Variants in PSD3 observed in about 807,000 individuals in gnomAD.
The protein encoded by PSD3 is pleckstrin and Sec7 domain containing 3, also known as PH and SEC7 domain-containing protein 3.
Under a neutral mutation model 105.5 loss-of-function variants are expected in PSD3, and 49 were observed. That is an observed-to-expected ratio of 0.46 (90% CI 0.37 to 0.59). The LOEUF is 0.59. Ranked by LOEUF, PSD3 falls within the 20% of genes least tolerant of loss-of-function variation. The probability of loss-of-function intolerance (pLI) is 0.00; values close to 1 mark genes in which losing one functional copy is unlikely to be tolerated. For missense variants in PSD3, 1,561 were observed against 1,263.8 expected, an observed-to-expected ratio of 1.24 and a Z score of -3.57; for synonymous variants, 557 against 457.8, an observed-to-expected ratio of 1.22 and a Z score of -2.77.
rs115391818 is a variant in PSD3, at chr8:18,599,528, G to A, written c.2481+836C>T. 4.4e-3 allele frequency among the ~76,000 whole-genome samples: 674 copies of A among 152,242 alleles called. 4 individuals are homozygous for A. Among genetic ancestry groups the A allele is most frequent in the African/African-American group, 0.016 (645 of 41,532 alleles). On this transcript the variant is annotated intron_variant, in intron 12 of 15. Transcript: ENST00000327040. ...TGAATAAAGAATATGTGCTACAGTA[G>A]GCTCCCCTTATCTATCCATGTGGGA...
At chr8:18,890,379 A>G (rs1818711142) in intron 2 of PSD3, among the ~76,000 whole-genome samples, 1 of 152,166 alleles carries the variant, frequency 6.6e-6, no homozygotes. Flanking sequence ...GGTACATCTA[A>G]ATGTTCAAGC....
intron 15 of PSD3, among the ~76,000 whole-genome samples, chr8:18,550,089 T>C (rs1800672951): frequency 6.6e-6 from 1 of 152,242 alleles, no homozygotes; most frequent in South Asian, 2.1e-4. Flanking sequence ...ATAATACCTT[T>C]ACCCAATAGA....
At chr8:18,850,597 C>G (rs1048843451) in intron 4 of PSD3, among the ~76,000 whole-genome samples, 2 of 152,096 alleles carry the variant, frequency 1.3e-5, no homozygotes, top group African/African-American at 4.8e-5. Flanking sequence ...AGACAATTGT[C>G]GTAAGTTATT....
At chr8:18,628,775 C>T (rs1355269329) in intron 11 of PSD3, among the ~76,000 whole-genome samples, 2 of 151,770 alleles carry the variant, frequency 1.3e-5, no homozygotes, top group Non-Finnish European at 2.9e-5. Context: ...TAAAGATGTA[C>T]ACTGTAAACC....
intron 8 of PSD3, among the ~76,000 whole-genome samples, chr8:18,770,108 G>A (rs1224728724): frequency 2.0e-5 from 3 of 152,154 alleles, no homozygotes; most frequent in African/African-American, 4.8e-5. Context: ...GCGAATGAGG[G>A]TTCCAGTTTC....
In PSD3 at chr8:18,814,464, A is replaced by G. The variant is rs887391891; in HGVS notation, c.1635-9566T>C. Among the ~76,000 whole-genome samples the G allele has an allele frequency of 2.6e-5, 4 of 152,208 alleles. No homozygotes were observed. The East Asian group carries it at 5.8e-4, about 22-fold the overall frequency. ...TAGGGGTTCAAACGTTTCTAGGGGC[A>G]TGATGCAGGTTTTCACTTTTTGTTT... is the stretch of plus-strand genomic sequence containing the variant. On this transcript the variant is annotated intron_variant, in intron 4 of 15. Coordinates refer to ENST00000327040, the MANE Select transcript of PSD3 (RefSeq NM_015310.4).
chr8:18,889,241 A>G (rs756883394), intron 2 of PSD3, among the ~76,000 whole-genome samples: 3 of 151,452 alleles, frequency 2.0e-5, no homozygotes, highest in African/African-American at 4.9e-5. Context: ...GCCATCTTCA[A>G]CTCCTCAATT....
At position 18,534,920 on chromosome 8, in the gene PSD3, G is replaced by T. The variant is rs954963460; in HGVS notation, c.*823C>A. On this transcript the variant is annotated 3_prime_UTR_variant, in exon 16 of 16. Coordinates refer to ENST00000327040, the MANE Select transcript of PSD3 (RefSeq NM_015310.4). Reference sequence around the variant, plus strand: ...CTAGTCTAGACCCTGTGGGAGTGAGGTAACAATTCCTGCAGACTGAGCACA... The same window carrying T: ...CTAGTCTAGACCCTGTGGGAGTGAGTTAACAATTCCTGCAGACTGAGCACA... 1 of 152,588 alleles carries T rather than the reference G, an allele frequency of 6.6e-6. No individual in the cohort carries two copies. The highest frequency in any genetic ancestry group is 1.9e-4 in the East Asian group (1 of 5,196). 9.5% of individuals were successfully genotyped at this position (152,588 alleles called of 1,614,324 possible). A position where few individuals can be genotyped will look rare whatever the true frequency, so the allele number is the denominator to read the frequency against.
chr8:18,933,216 T>C (rs1225376905), intron 2 of PSD3, among the ~76,000 whole-genome samples: 1 of 152,166 alleles, frequency 6.6e-6, no homozygotes, highest in Admixed American at 6.5e-5. Context: ...GTTTAAGGTG[T>C]CATTTTGGTT....
intron 4 of PSD3, among the ~76,000 whole-genome samples, chr8:18,841,915 A>G (rs1202497968): frequency 6.6e-6 from 1 of 152,004 alleles, no homozygotes; most frequent in Non-Finnish European, 1.5e-5. Context: ...TATAAAACCT[A>G]CTCTATTTCT....
intron 11 of PSD3, among the ~76,000 whole-genome samples, chr8:18,627,653 C>G (rs992295394): frequency 6.6e-6 from 1 of 151,938 alleles, no homozygotes. Context: ...TAAAGGCAAG[C>G]GTCTAAAGAA....
chr8:18,758,498 C>CA (rs1806247626), intron 9 of PSD3, among the ~76,000 whole-genome samples: 1 of 149,408 alleles, frequency 6.7e-6, no homozygotes, highest in African/African-American at 2.5e-5. Flanking sequence ...TTTGAACTTA[C>CA]AAAAATGGCT....
rs923467745 is a variant in PSD3, at chr8:18,587,975, G to A, written c.2481+12389C>T. On this transcript the variant is annotated intron_variant, in intron 12 of 15. Transcript: ENST00000327040. ...CAGGGGGACGGATTAACCAGCAGTG[G>A]GACATTAGTAACTCCCTGTAGGATG... is the stretch of plus-strand genomic sequence containing the variant. Among the ~76,000 whole-genome samples, 34 of 152,098 alleles carry A rather than the reference G, an allele frequency of 2.2e-4. 1 individual carries two copies. The highest frequency in any genetic ancestry group is 5.9e-5 in the Non-Finnish European group (4 of 68,010).
chr8:19,013,070 T>A (rs1827029348), intron 1 of PSD3, among the ~76,000 whole-genome samples: 1 of 151,984 alleles, frequency 6.6e-6, no homozygotes, highest in East Asian at 1.9e-4. Context: ...GCGGATAAAG[T>A]TAAATGCATG....
At chr8:18,895,759 T>G (rs12547191) in intron 2 of PSD3, among the ~76,000 whole-genome samples, 7,145 of 152,284 alleles carry the variant, frequency 0.047, 203 homozygotes, top group South Asian at 0.082. Flanking sequence ...GAACAGTAAT[T>G]AGCATATCTA....
chr8:18,797,964 A>G (rs1428796582), intron 8 of PSD3, among the ~76,000 whole-genome samples: 2 of 152,266 alleles, frequency 1.3e-5, no homozygotes, highest in African/African-American at 2.4e-5. Context: ...CAGAAAGGCT[A>G]AGGAAAAGAA....
chr8:18,998,544 G>C (rs1336863561), intron 1 of PSD3, among the ~76,000 whole-genome samples: 6 of 151,944 alleles, frequency 3.9e-5, no homozygotes, highest in Admixed American at 3.3e-4. Flanking sequence ...AAAATTAGCT[G>C]GGTGTGGTGG....
intron 12 of PSD3, among the ~76,000 whole-genome samples, chr8:18,586,809 GGGAAGTTAACT>G: frequency 6.6e-6 from 1 of 152,182 alleles, no homozygotes; most frequent in Non-Finnish European, 1.5e-5. Flanking sequence ...GCACTCAGGA[GGGAAGTTAACT>G]GGAAGCCCTT....
At chr8:18,939,383 T>C (rs1051676381) in intron 1 of PSD3, among the ~76,000 whole-genome samples, 1 of 152,226 alleles carries the variant, frequency 6.6e-6, no homozygotes, top group South Asian at 2.1e-4. Flanking sequence ...TTGTCATCAA[T>C]AGAAATTCAT....
Sources: gnomAD v4.1 joint callset for allele counts (sites outside exome capture counted in the v4.1 genomes callset) on GRCh38, gnomAD v4.1.1 for gene constraint, MANE v1.5 for transcripts, NCBI Gene and HGNC (gene_info 2026-07-23, HGNC 2026-07-21) for gene names.